The following SLC35F2 variants were observed in gnomAD, a reference collection of about 807,000 sequenced individuals.
SLC35F2 encodes solute carrier family 35 member F2.
A neutral mutation model predicts 38.1 loss-of-function variants in SLC35F2; 25 were observed. That is an observed-to-expected ratio of 0.66 (90% CI 0.48 to 0.92). The LOEUF (loss-of-function observed/expected upper bound fraction) is 0.92. SLC35F2 is among the 40% of genes least tolerant of loss of function. The pLI, the probability that SLC35F2 is intolerant of heterozygous loss-of-function variation, is 0.00. For synonymous variants in SLC35F2, 173 were observed against 181.7 expected, an observed-to-expected ratio of 0.95 and a Z score of 0.38; for missense variants, 409 against 452.9, an observed-to-expected ratio of 0.90 and a Z score of 0.88.
chr11:107,810,375 C>G lies in SLC35F2; in HGVS notation c.414+1292G>C, dbSNP rs534616953. ...TGTTTAACTGTGTTTAGGCCTTGCA[C>G]CAATTCAAAACTTTTTATCATTAGT... On this transcript the variant is annotated intron_variant, in intron 3 of 7. Coordinates refer to ENST00000525815, the MANE Select transcript of SLC35F2 (RefSeq NM_017515.5). 3.0e-6 allele frequency: 3 copies of G among 985,196 alleles called. No homozygotes were observed. In the East Asian group the frequency reaches 3.4e-4, roughly 112 times the overall value. The allele number at this position is 985,196 out of a possible 1,614,324, so 61.0% of individuals were successfully genotyped here. A position where few individuals can be genotyped will look rare whatever the true frequency, so the allele number is the denominator to read the frequency against.
intron 1 of SLC35F2, among the ~76,000 whole-genome samples, chr11:107,854,217 A>C (rs1045805273): frequency 1.3e-5 from 2 of 151,776 alleles, no homozygotes; most frequent in African/African-American, 4.8e-5. Context: ...GGATCACTTG[A>C]GCCAAAGAGT....
At chr11:107,822,931 G>C (rs903706257) in intron 1 of SLC35F2, among the ~76,000 whole-genome samples, 7 of 151,514 alleles carry the variant, frequency 4.6e-5, no homozygotes, top group Non-Finnish European at 1.0e-4. Flanking sequence ...TTAAACACTA[G>C]TTTTACATTA....
chr11:107,837,888 G>T (rs1229776085), intron 1 of SLC35F2, among the ~76,000 whole-genome samples: 1 of 151,608 alleles, frequency 6.6e-6, no homozygotes, highest in Non-Finnish European at 1.5e-5. Context: ...TCGTGTTATG[G>T]ATTTTTTGCC....
intron 1 of SLC35F2, among the ~76,000 whole-genome samples, chr11:107,845,950 C>CATAAATAAATAA (rs57548679): frequency 0.022 from 3,169 of 142,856 alleles, 67 homozygotes; most frequent in East Asian, 0.071. Context: ...GAGATTCTGT[C>CATAAATAAATAA]ATAAATAAAT....
chr11:107,818,112 GAAAGAAAGAAAGAAAGAAAGAAAA>G (rs1859611930), intron 1 of SLC35F2, among the ~76,000 whole-genome samples: 1 of 130,512 alleles, frequency 7.7e-6, no homozygotes, highest in East Asian at 2.1e-4. Flanking sequence ...AAGAAAGAAA[GAAAGAAAGAAAGAAAGAAAGAAAA>G]AGAAACAATT....
At chr11:107,852,459 G>T (rs1860201740) in intron 1 of SLC35F2, among the ~76,000 whole-genome samples, 1 of 151,844 alleles carries the variant, frequency 6.6e-6, no homozygotes, top group East Asian at 1.9e-4. Flanking sequence ...GCTGAGGCAG[G>T]AGAATCACTT....
chr11:107,834,148 G>C (rs1174858760), intron 1 of SLC35F2, among the ~76,000 whole-genome samples: 2 of 152,202 alleles, frequency 1.3e-5, no homozygotes, highest in Non-Finnish European at 2.9e-5. Context: ...GAAGGGGATT[G>C]GGTAAGGAGC....
intron 3 of SLC35F2, chr11:107,809,893 G>A (rs1273743244): frequency 1.0e-6 from 1 of 985,300 alleles, no homozygotes; most frequent in Non-Finnish European, 1.2e-6. Context: ...GAGCAGCACA[G>A]GGGAGAAGGA....
intron 1 of SLC35F2, 64 bp from the exon 2 acceptor site, chr11:107,816,029 C>G: frequency 7.0e-7 from 1 of 1,423,918 alleles, no homozygotes; most frequent in East Asian, 2.6e-5. Flanking sequence ...CACACACACA[C>G]ACACACACAC....
intron 1 of SLC35F2, among the ~76,000 whole-genome samples, chr11:107,843,034 A>T (rs1860036404): frequency 2.0e-5 from 3 of 152,220 alleles, no homozygotes; most frequent in African/African-American, 7.2e-5. Context: ...AATTTTATCA[A>T]CGTGATATAA....
At chr11:107,829,944 A>C (rs530448583) in intron 1 of SLC35F2, among the ~76,000 whole-genome samples, 1 of 152,222 alleles carries the variant, frequency 6.6e-6, no homozygotes, top group South Asian at 2.1e-4. Flanking sequence ...ATTTCAAATA[A>C]AATTTATATT....
Position 107,832,410 on chromosome 11 carries a change from T to C in SLC35F2, c.111-16445A>G, listed in dbSNP as rs11212401. 4.5e-3 allele frequency among the ~76,000 whole-genome samples: 689 copies of C among 152,318 alleles called. 8 individuals are homozygous for C. The highest frequency in any genetic ancestry group is 0.016 in the African/African-American group (645 of 41,568). ...TTGATTGATGGATCAAATTGCCTGA[T>C]TGACTAAACCTTAAAAGAACCAGAT... On this transcript the variant is annotated intron_variant, in intron 1 of 7. Coordinates refer to ENST00000525815, the MANE Select transcript of SLC35F2 (RefSeq NM_017515.5).
At position 107,843,550 on chromosome 11, in the gene SLC35F2, C is replaced by CA. The variant is rs754451857; in HGVS notation, c.110+15107dup. 8.5e-3 allele frequency among the ~76,000 whole-genome samples: 976 copies of CA among 115,118 alleles called. 9 individuals carry two copies. The highest frequency in any genetic ancestry group is 0.023 in the African/African-American group (714 of 31,398). The allele number at this position is 115,118 out of a possible 152,430, so 75.5% of individuals were successfully genotyped here. The stretch of plus-strand genomic sequence containing the variant: ...GGGCAACAAAAGCGAAACTTTGTCT[C>CA]AAAAAAAAAAAAAAATTAATTGAGG... On this transcript the variant is annotated intron_variant, in intron 1 of 7. Coordinates refer to ENST00000525815, the MANE Select transcript of SLC35F2 (RefSeq NM_017515.5).
intron 1 of SLC35F2, among the ~76,000 whole-genome samples, chr11:107,857,727 T>C (rs192034638): frequency 6.6e-6 from 1 of 152,304 alleles, no homozygotes; most frequent in African/African-American, 2.4e-5. Context: ...TTTCATGAGT[T>C]GTCAGTGGCC....
intron 2 of SLC35F2, among the ~76,000 whole-genome samples, chr11:107,814,598 C>T (rs1859537018): frequency 6.6e-6 from 1 of 152,064 alleles, no homozygotes; most frequent in African/African-American, 2.4e-5. Flanking sequence ...ATGCATTGTA[C>T]ATTTGTCAAA....
chr11:107,822,148 C>T (rs921764728), intron 1 of SLC35F2, among the ~76,000 whole-genome samples: 2 of 152,060 alleles, frequency 1.3e-5, no homozygotes, highest in African/African-American at 4.8e-5. Flanking sequence ...GAGGCTGAAG[C>T]GGGAGAATCA....
At chr11:107,795,601 G>C (rs1054695666) in intron 7 of SLC35F2, among the ~76,000 whole-genome samples, 1 of 152,108 alleles carries the variant, frequency 6.6e-6, no homozygotes, top group Non-Finnish European at 1.5e-5. Flanking sequence ...GAGTATACAA[G>C]TAACTCAAAT....
intron 1 of SLC35F2, 42 bp from the exon 2 acceptor site, chr11:107,816,007 TTA>T: frequency 6.6e-7 from 1 of 1,511,012 alleles, no homozygotes; most frequent in Non-Finnish European, 8.9e-7. Flanking sequence ...TGCAAATAAG[TTA>T]TACCTTACAC....
chr11:107,833,116 A>G (rs987821479), intron 1 of SLC35F2, among the ~76,000 whole-genome samples: 1 of 152,140 alleles, frequency 6.6e-6, no homozygotes, highest in East Asian at 1.9e-4. Context: ...TACCTTGTCT[A>G]TGTTTTTTAT....
Sources: gnomAD v4.1 joint callset for allele counts (sites outside exome capture counted in the v4.1 genomes callset) on GRCh38, gnomAD v4.1.1 for gene constraint, MANE v1.5 for transcripts, NCBI Gene and HGNC (gene_info 2026-07-23, HGNC 2026-07-21) for gene names.